The following ZNF354A variants were observed in gnomAD, a reference collection of about 807,000 sequenced individuals.
ZNF354A encodes the protein epididymis luminal protein 104.
In ZNF354A, 25 loss-of-function variants were observed where a neutral mutation model predicts 53.3. That is an observed-to-expected ratio of 0.47 (90% CI 0.34 to 0.66). The LOEUF is 0.66. Among genes scored for constraint, ZNF354A ranks in the 30% least tolerant of loss-of-function variants. The pLI is 0.01. For synonymous variants in ZNF354A, 228 were observed against 249.0 expected (o/e 0.92, Z 0.79); for missense variants, 586 against 716.8 (o/e 0.82, Z 2.08).
rs3193017 is a variant in ZNF354A, at chr5:178,727,093, C to G, written c.66G>C (p.Leu22=). ...VSLTFEDVAV[L]FTRDEWRKLA... ...GCTTTCTCCACTCATCTCGGGTAAA[C>G]AGCACAGCCACATCCTCAAACGTCA... Residue 22 remains leucine (L), a synonymous_variant, in exon 3 of 5, where the codon CTG becomes CTC. Transcript: ENST00000335815. The G allele has an allele frequency of 5.6e-6, 9 of 1,613,936 alleles. No homozygotes were observed. Among genetic ancestry groups the G allele is most frequent in the East Asian group, 2.2e-5 (1 of 44,894 alleles).
Position 178,712,725 on chromosome 5 carries a change from T to G in ZNF354A, c.1153A>C (p.Ser385Arg), listed in dbSNP as rs1406973778. 1.9e-6 allele frequency: 3 copies of G among 1,613,780 alleles called. No homozygotes were observed. The highest frequency in any genetic ancestry group is 2.5e-6 in the Non-Finnish European group (3 of 1,179,670). Residue 385 changes from serine (S) to arginine (R), a missense_variant, in exon 5 of 5, where the codon AGT becomes CGT. Coordinates refer to ENST00000335815, the MANE Select transcript of ZNF354A (RefSeq NM_005649.3). ...TGGCTGAAGGCTCTCCCACATTCAC[T>G]ACATTTAAAAGGCTTCTCTCCAGTG... ...IHTGEKPFKCSECGRAFSQSA... is the reference protein window; with the variant it reads ...IHTGEKPFKCRECGRAFSQSA...
chr5:178,726,244 G>T (rs1193115472), intron 3 of ZNF354A: 1 of 453,028 alleles, frequency 2.2e-6, no homozygotes, highest in Admixed American at 2.4e-5. Flanking sequence ...AAAGAATGGT[G>T]GGAAAAAAAA....
intron 4 of ZNF354A, among the ~76,000 whole-genome samples, chr5:178,722,813 G>A (rs1461788510): frequency 6.6e-5 from 10 of 152,222 alleles, no homozygotes; most frequent in East Asian, 5.8e-4. Flanking sequence ...CGCTAAGCAC[G>A]AGGAGGGAAA....
chr5:178,726,265 G>A (rs1210187489), intron 3 of ZNF354A: 1 of 455,168 alleles, frequency 2.2e-6, no homozygotes, highest in Non-Finnish European at 4.4e-6. Context: ...AGAGAAATAT[G>A]TTACGGAGAC....
rs777749370 is a variant in ZNF354A at position 178,725,363 on chromosome 5, G to A, written c.256+13C>T. On this transcript the variant is annotated intron_variant, in intron 4 of 4. Transcript: ENST00000335815. ...TGTCTGCGGCCATTCCGCACCTCGG[G>A]CCACCCACTTACCTAGAGAGGAGAC... 52 of 1,612,414 alleles carry A rather than the reference G, an allele frequency of 3.2e-5. No homozygotes were observed. The highest frequency in any genetic ancestry group is 4.1e-5 in the Non-Finnish European group (48 of 1,179,416).
At position 178,711,656 on chromosome 5, in the gene ZNF354A, A is replaced by G. The variant is rs1765619672; in HGVS notation, c.*404T>C. ...TCTCTAAAAAGGTACAATTTGATCA[A>G]GCTATTAAAATGCTATAAAAATATT... On this transcript the variant is annotated 3_prime_UTR_variant, in exon 5 of 5. Coordinates refer to ENST00000335815, the MANE Select transcript of ZNF354A (RefSeq NM_005649.3). 6.4e-6 allele frequency: 1 copy of G among 156,910 alleles called. No individual in the cohort carries two copies. The highest frequency in any genetic ancestry group is 1.4e-5 in the Non-Finnish European group (1 of 70,924). The allele number at this position is 156,910 out of a possible 1,614,324, so 9.7% of individuals were successfully genotyped here. A position where few individuals can be genotyped will look rare whatever the true frequency, so the allele number is the denominator to read the frequency against.
intron 2 of ZNF354A, among the ~76,000 whole-genome samples, chr5:178,728,661 A>G (rs1049149687): frequency 2.3e-4 from 34 of 150,610 alleles, no homozygotes; most frequent in African/African-American, 7.8e-4. Context: ...GCCGGGCGTG[A>G]TGGCGGGAGC....
In ZNF354A at chr5:178,712,001, C is replaced by T; in HGVS notation, c.*59G>A. ...TCCATTACATTTATTACATCTCTCT[C>T]AAGGATGTATTCTTCGATGAGCTTT... On this transcript the variant is annotated 3_prime_UTR_variant, in exon 5 of 5. Transcript: ENST00000335815. 1 of 1,509,906 alleles carries T rather than the reference C, an allele frequency of 6.6e-7. No homozygotes were observed. Among genetic ancestry groups the T allele is most frequent in the Non-Finnish European group, 8.8e-7 (1 of 1,131,242 alleles). The allele number at this position is 1,509,906 out of a possible 1,614,324, so 93.5% of individuals were successfully genotyped here.
At chr5:178,724,190 C>A (rs1379353649) in intron 4 of ZNF354A, among the ~76,000 whole-genome samples, 1 of 152,092 alleles carries the variant, frequency 6.6e-6, no homozygotes, top group African/African-American at 2.4e-5. Context: ...CCTCCTGCCT[C>A]CCTCCATGAC....
At chr5:178,723,800 C>A (rs552391103) in intron 4 of ZNF354A, among the ~76,000 whole-genome samples, 5 of 152,102 alleles carry the variant, frequency 3.3e-5, no homozygotes, top group Non-Finnish European at 7.4e-5. Context: ...AGAGCCCCCC[C>A]AGTTCAACCA....
intron 4 of ZNF354A, among the ~76,000 whole-genome samples, chr5:178,719,988 G>A (rs564082532): frequency 6.6e-5 from 10 of 152,284 alleles, no homozygotes; most frequent in Non-Finnish European, 1.3e-4. Context: ...AGTCTCACAA[G>A]GTTTTCTAGA....
intron 3 of ZNF354A, chr5:178,726,246 G>GA (rs138546234): frequency 2.5e-4 from 111 of 439,590 alleles, no homozygotes; most frequent in Middle Eastern, 9.9e-4. Context: ...AGAATGGTGG[G>GA]AAAAAAAAAG....
rs756665055 is a variant in ZNF354A at position 178,713,403 on chromosome 5, G to A, written c.475C>T (p.His159Tyr). Residue 159 changes from histidine (H) to tyrosine (Y), a missense_variant, in exon 5 of 5, where the codon CAT becomes TAT. Physicochemically the swap from His to Tyr is moderately conservative, Grantham distance 83. Around this residue, in one of 2 missense-constraint regions of ZNF354A, gnomAD observed 573 missense variants for 680.1 expected, o/e 0.84. Transcript: ENST00000335815. ...HKKIPTIERS[H>Y]KNTELSQNFS... ...TTTTGGCTCAATTCAGTATTTTTAT[G>A]GCTTCTTTCTATAGTGGGGATTTTT... 3 of 1,613,658 alleles carry A rather than the reference G, an allele frequency of 1.9e-6. No homozygotes were observed.
At chr5:178,729,731 G>A (rs1478279393) in intron 1 of ZNF354A, among the ~76,000 whole-genome samples, 1 of 149,612 alleles carries the variant, frequency 6.7e-6, no homozygotes, top group African/African-American at 2.5e-5. Context: ...ATTTTTAGTA[G>A]AGACGAGGTT....
chr5:178,729,880 T>TTTTTTTTTTTTTTC (rs1765996198), intron 1 of ZNF354A, among the ~76,000 whole-genome samples: 2 of 148,958 alleles, frequency 1.3e-5, no homozygotes, highest in Non-Finnish European at 3.0e-5. Flanking sequence ...ATGTTTCTTT[T>TTTTTTTTTTTTTTC]TTGAGACGGA....
intron 4 of ZNF354A, among the ~76,000 whole-genome samples, chr5:178,720,483 A>T (rs965121746): frequency 6.6e-6 from 1 of 152,222 alleles, no homozygotes; most frequent in African/African-American, 2.4e-5. Flanking sequence ...GGGCGAACAC[A>T]GTGTGAAGAC....
chr5:178,730,386 C>T (rs1332708130), intron 1 of ZNF354A, among the ~76,000 whole-genome samples, 170 bp downstream of exon 1: 2 of 145,166 alleles, frequency 1.4e-5, no homozygotes, highest in Non-Finnish European at 3.1e-5. Flanking sequence ...CCAGCAACGG[C>T]GAGGGAGCGC....
At chr5:178,715,350 C>T (rs1221155157) in intron 4 of ZNF354A, among the ~76,000 whole-genome samples, 1 of 152,096 alleles carries the variant, frequency 6.6e-6, no homozygotes, top group Non-Finnish European at 1.5e-5. Flanking sequence ...TCATGGATAA[C>T]TCTTCTTCCA....
intron 4 of ZNF354A, among the ~76,000 whole-genome samples, chr5:178,714,763 C>CAT (rs1290536376): frequency 6.6e-6 from 1 of 152,212 alleles, no homozygotes; most frequent in Non-Finnish European, 1.5e-5. Flanking sequence ...ATACATACTT[C>CAT]ATATATATAC....
Sources: allele counts gnomAD v4.1 joint callset (sites outside exome capture counted in the v4.1 genomes callset), GRCh38; gene constraint gnomAD v4.1.1; regional missense constraint gnomAD v4.1.1; transcripts MANE v1.5; gene names NCBI Gene and HGNC (gene_info 2026-07-23, HGNC 2026-07-21).